The following AOPEP variants were observed in gnomAD, a reference collection of about 807,000 sequenced individuals.
The protein encoded by AOPEP is aminopeptidase O.
Under a neutral mutation model 98.1 loss-of-function variants are expected in AOPEP, and 77 were observed. That is an observed-to-expected ratio of 0.78 (90% CI 0.65 to 0.95). The LOEUF (loss-of-function observed/expected upper bound fraction) is 0.95, where lower values mean the gene tolerates loss of function less well. Among genes scored for constraint, AOPEP ranks in the 40% least tolerant of loss-of-function variants. The pLI is 0.00. For synonymous variants in AOPEP, 346 were observed against 365.3 expected (o/e 0.95, Z 0.60); for missense variants, 1,024 against 1,024.7 (o/e 1.00, Z 0.01).
At chr9:94,934,293 A>C in intron 7 of AOPEP, among the ~76,000 whole-genome samples, 1 of 141,830 alleles carries the variant, frequency 7.1e-6, no homozygotes, top group African/African-American at 2.7e-5. Flanking sequence ...CTAACTGCTG[A>C]CTATGCTCAC....
intron 5 of AOPEP, among the ~76,000 whole-genome samples, chr9:94,838,979 C>T (rs191875642): frequency 6.2e-4 from 80 of 130,030 alleles, no homozygotes; most frequent in East Asian, 2.1e-3. Context: ...GGCGCAATCT[C>T]GGCTCACTGC....
At chr9:94,867,072 T>C (rs1005199452) in intron 5 of AOPEP, among the ~76,000 whole-genome samples, 5 of 152,240 alleles carry the variant, frequency 3.3e-5, no homozygotes, top group Non-Finnish European at 7.3e-5. Context: ...TTAGTCCATA[T>C]TGTATTATAT....
chr9:94,850,254 T>A (rs911155225), intron 5 of AOPEP, among the ~76,000 whole-genome samples: 2 of 10,910 alleles, frequency 1.8e-4, no homozygotes, highest in Non-Finnish European at 3.1e-4. Context: ...GAAGAAGACA[T>A]AGATTTTAAA....
At chr9:94,966,822 CA>C (rs2059229853) in intron 9 of AOPEP, among the ~76,000 whole-genome samples, 1 of 152,124 alleles carries the variant, frequency 6.6e-6, no homozygotes, top group South Asian at 2.1e-4. Context: ...AAGAACAAAT[CA>C]AGATTCCAGA....
chr9:95,094,002 CA>C, the AOPEP span, among the ~76,000 whole-genome samples: 1 of 152,174 alleles, frequency 6.6e-6, no homozygotes, highest in Non-Finnish European at 1.5e-5. Context: ...TAAGAGTGTG[CA>C]CTTGCTTGCA....
the AOPEP span, chr9:95,125,111 T>G: frequency 6.2e-7 from 1 of 1,614,224 alleles, no homozygotes; most frequent in East Asian, 2.2e-5. Context: ...CTCCAGAGCT[T>G]CTACAAAGCA....
At chr9:94,854,711 G>A (rs77760522) in intron 5 of AOPEP, among the ~76,000 whole-genome samples, 3,543 of 152,186 alleles carry the variant, frequency 0.023, 140 homozygotes, top group African/African-American at 0.08. Flanking sequence ...TCTCTTCCCC[G>A]ATGGAACATT....
At chr9:95,093,967 T>A in the AOPEP span, among the ~76,000 whole-genome samples, 4 of 152,234 alleles carry the variant, frequency 2.6e-5, no homozygotes, top group Admixed American at 6.5e-5. Context: ...GTGTGTGAAG[T>A]GGACAGCAGG....
chr9:94,946,246 T>C (rs1296096553), intron 7 of AOPEP, among the ~76,000 whole-genome samples: 1 of 152,240 alleles, frequency 6.6e-6, no homozygotes, highest in African/African-American at 2.4e-5. Flanking sequence ...ACCTCTTGAC[T>C]CTACTGAATG....
At chr9:94,919,329 A>C (rs553356013) in intron 5 of AOPEP, among the ~76,000 whole-genome samples, 1 of 152,128 alleles carries the variant, frequency 6.6e-6, no homozygotes, top group Non-Finnish European at 1.5e-5. Flanking sequence ...TCCCCAGAAG[A>C]CTATCCCCTC....
At chr9:95,095,732 C>T in the AOPEP span, among the ~76,000 whole-genome samples, 1 of 152,132 alleles carries the variant, frequency 6.6e-6, no homozygotes, top group Non-Finnish European at 1.5e-5. Context: ...CAGGGATGCG[C>T]TGGAGCCTTG....
chr9:95,012,988 G>GGC (rs71366271), intron 13 of AOPEP, among the ~76,000 whole-genome samples: 341 of 28,224 alleles, frequency 0.012, 8 homozygotes, highest in Non-Finnish European at 0.018. Context: ...TTTTTTTTTT[G>GGC]GGGGGGGGGG....
rs560442684 is a variant in AOPEP, at chr9:94,847,006, T to C, written c.1364+46004T>C. On this transcript the variant is annotated intron_variant, in intron 5 of 16. Coordinates refer to ENST00000375315, the MANE Select transcript of AOPEP (RefSeq NM_001193329.3). ...TATTGAGGTGGTGGGAGGGTGGGGA[T>C]CTACAATAGGAGTAAAGTGGGTCTT... is the stretch of plus-strand genomic sequence containing the variant. 6.6e-5 allele frequency among the ~76,000 whole-genome samples: 10 copies of C among 151,970 alleles called. 1 individual carries two copies. In the South Asian group the frequency reaches 1.0e-3, roughly 16 times the overall value.
chr9:94,963,311 A>G (rs2058979464), intron 9 of AOPEP, among the ~76,000 whole-genome samples: 2 of 152,234 alleles, frequency 1.3e-5, no homozygotes, highest in East Asian at 3.8e-4. Flanking sequence ...TTTCTGTTGA[A>G]TACTTTCACC....
chr9:94,907,091 C>T (rs2051261577), intron 5 of AOPEP, among the ~76,000 whole-genome samples: 1 of 152,178 alleles, frequency 6.6e-6, no homozygotes, highest in Non-Finnish European at 1.5e-5. Context: ...AAGGCCACCA[C>T]CCTCACAAAG....
At chr9:94,988,796 G>C (rs944525122) in intron 11 of AOPEP, among the ~76,000 whole-genome samples, 3 of 152,162 alleles carry the variant, frequency 2.0e-5, no homozygotes, top group Non-Finnish European at 4.4e-5. Flanking sequence ...CCCGGAGCCA[G>C]CCCAAACCTG....
Position 95,005,626 on chromosome 9 carries a change from C to G in AOPEP, c.2115+10C>G. The G allele has an allele frequency of 6.2e-7, 1 of 1,612,614 alleles. No individual in the cohort carries two copies. Among genetic ancestry groups the G allele is most frequent in the Non-Finnish European group, 8.5e-7 (1 of 1,178,744 alleles). On this transcript the variant is annotated intron_variant, in intron 13 of 16. Transcript: ENST00000375315. Reference sequence around the variant, plus strand: ...AGAGGTGTTTGAAAAGGTAGGGGTTCCCGAGACGGTACTCGGTGCAGGTCT... The same window carrying G: ...AGAGGTGTTTGAAAAGGTAGGGGTTGCCGAGACGGTACTCGGTGCAGGTCT...
At chr9:94,922,161 C>T (rs760097755) in intron 5 of AOPEP, among the ~76,000 whole-genome samples, 4 of 152,218 alleles carry the variant, frequency 2.6e-5, no homozygotes, top group Non-Finnish European at 4.4e-5. Flanking sequence ...TTCAGGCCCT[C>T]GCAGACTTTT....
chr9:94,791,798 T>A (rs896982379), intron 3 of AOPEP, among the ~76,000 whole-genome samples: 19 of 152,108 alleles, frequency 1.2e-4, no homozygotes, highest in Non-Finnish European at 2.6e-4. Flanking sequence ...AAGTTTGTTA[T>A]ACAAACTTGC....
Sources: gnomAD v4.1 joint callset for allele counts (sites outside exome capture counted in the v4.1 genomes callset) on GRCh38, gnomAD v4.1.1 for gene constraint, MANE v1.5 for transcripts, NCBI Gene and HGNC (gene_info 2026-07-23, HGNC 2026-07-21) for gene names.